The following NOM1 variants were observed in gnomAD, a reference collection of about 807,000 sequenced individuals.
NOM1 encodes nucleolar protein with MIF4G domain 1.
In NOM1, 58 loss-of-function variants were observed where a neutral mutation model predicts 73.3. That is an observed-to-expected ratio of 0.79 (90% confidence interval 0.64 to 0.99). The LOEUF (loss-of-function observed/expected upper bound fraction) is 0.99, where lower values mean the gene tolerates loss of function less well. NOM1 is among the 50% of genes least tolerant of loss of function. The pLI is 0.00. For synonymous variants in NOM1, 487 were observed against 446.8 expected (o/e 1.09, Z -1.14); for missense variants, 1,226 against 1,131.9 (o/e 1.08, Z -1.19).
At chr7:156,961,566 G>A (rs945257710) in intron 4 of NOM1, among the ~76,000 whole-genome samples, 2 of 152,072 alleles carry the variant, frequency 1.3e-5, no homozygotes, top group African/African-American at 2.4e-5. Context: ...ATTGATTGTG[G>A]TGATAGTTGC....
At position 156,969,760 on chromosome 7, in the gene NOM1, C is replaced by A. The variant is rs1805098004; in HGVS notation, c.*57C>A. The A allele has an allele frequency of 2.0e-6, 3 of 1,518,848 alleles. No homozygotes were observed. The African/African-American group carries it at 4.1e-5, about 21-fold the overall frequency. 94.1% of individuals were successfully genotyped at this position (1,518,848 alleles called of 1,614,324 possible). ...GACTGTAAAATGTCCTTGGTAAACC[C>A]AAAGGCTTATTCTGTTGCCTGCGTG... On this transcript the variant is annotated 3_prime_UTR_variant, in exon 11 of 11. Coordinates refer to ENST00000275820, the MANE Select transcript of NOM1 (RefSeq NM_138400.2).
intron 2 of NOM1, among the ~76,000 whole-genome samples, chr7:156,953,029 C>T (rs577124046): frequency 1.3e-5 from 2 of 152,344 alleles, no homozygotes; most frequent in East Asian, 1.9e-4. Context: ...GATTGGAAAC[C>T]ATACAGGTGG....
intron 6 of NOM1, 36 bp downstream of exon 6, chr7:156,963,211 G>C (rs62492704): frequency 6.2e-7 from 1 of 1,611,420 alleles, no homozygotes; most frequent in Non-Finnish European, 8.5e-7. Context: ...CCAGGCAGAG[G>C]CACCCCCCTG....
At position 156,963,064 on chromosome 7, in the gene NOM1, C is replaced by G. The variant is rs1241794205; in HGVS notation, c.1800C>G (p.Val600=). ...ETQLRVSWDS[V]LSAEQTGRWW... is the part of the protein sequence containing the mutation. ...AGCTTCGCGTCTCCTGGGACAGTGT[C>G]TTGAGTGCGGAGCAGACGGGTCGCT... Residue 600 remains valine, a synonymous_variant, in exon 6 of 11, where the codon GTC becomes GTG. Coordinates refer to ENST00000275820, the MANE Select transcript of NOM1 (RefSeq NM_138400.2). The G allele has an allele frequency of 6.2e-7, 1 of 1,614,246 alleles. No homozygotes were observed. The highest frequency in any genetic ancestry group is 1.7e-5 in the Admixed American group (1 of 60,034).
In NOM1 at chr7:156,967,064, C is replaced by T; in HGVS notation, c.2270C>T (p.Thr757Ile). 6.2e-7 allele frequency: 1 copy of T among 1,613,010 alleles called. No homozygotes were observed. The highest frequency in any genetic ancestry group is 8.5e-7 in the Non-Finnish European group (1 of 1,179,802). ...CATCTGGTGGCCCACTTGTTGAAGA[C>T]AAAATCGCTTTCCCTTTCCATCTTA... is the stretch of plus-strand genomic sequence containing the variant. ...LVHLVAHLLK[T>I]KSLSLSILKV... Residue 757 changes from threonine to isoleucine, a missense_variant, in exon 9 of 11, where the codon ACA becomes ATA. By Grantham distance (89) the Thr-to-Ile change is moderately conservative. Transcript: ENST00000275820.
chr7:156,960,255 T>C lies in NOM1; in HGVS notation c.1632+81T>C, dbSNP rs1204089860. 6 of 1,138,956 alleles carry C rather than the reference T, an allele frequency of 5.3e-6. No individual in the cohort carries two copies. The East Asian group carries it at 1.4e-4, about 27-fold the overall frequency. 70.6% of individuals were successfully genotyped at this position (1,138,956 alleles called of 1,614,324 possible). A position where few individuals can be genotyped will look rare whatever the true frequency, so the allele number is the denominator to read the frequency against. ...AGAACCTAAAAATCAGTATCTGGGGTAAATATTACACTTGCTTTCCTAGTG... is the reference window on the plus strand; with the variant it reads ...AGAACCTAAAAATCAGTATCTGGGGCAAATATTACACTTGCTTTCCTAGTG... On this transcript the variant is annotated intron_variant, in intron 4 of 10. Transcript: ENST00000275820.
At chr7:156,969,044 TA>T in intron 9 of NOM1, 42 bp from the exon 10 acceptor site, 1 of 1,088,856 alleles carries the variant, frequency 9.2e-7, no homozygotes, top group Non-Finnish European at 1.4e-6. Context: ...AAAAGTTGGC[TA>T]AATCAGTGTA....
Position 156,962,308 on chromosome 7 carries a change from C to T in NOM1, c.1743+47C>T, listed in dbSNP as rs754578800. The T allele has an allele frequency of 2.6e-5, 37 of 1,408,998 alleles. No individual in the cohort carries two copies. In the South Asian group the frequency reaches 2.7e-4, roughly 10 times the overall value. The allele number at this position is 1,408,998 out of a possible 1,614,324, so 87.3% of individuals were successfully genotyped here. On this transcript the variant is annotated intron_variant, in intron 5 of 10. Coordinates refer to ENST00000275820, the MANE Select transcript of NOM1 (RefSeq NM_138400.2). ...TCTGTTTTGCTCAGAGCTTCCGTGT[C>T]GGCATGAGCCTGTCATGAAAATCAA... is the stretch of plus-strand genomic sequence containing the variant.
intron 1 of NOM1, 48 bp from the exon 2 acceptor site, chr7:156,952,426 G>T (rs1193036874): frequency 6.3e-7 from 1 of 1,585,750 alleles, no homozygotes; most frequent in East Asian, 2.2e-5. Context: ...AAAAACACAG[G>T]ATTTGGTCAG....
rs1012415413 is a variant in NOM1, at chr7:156,963,193, C to G, written c.1911+18C>G. 1.2e-6 allele frequency: 2 copies of G among 1,613,608 alleles called. No homozygotes were observed. The highest frequency in any genetic ancestry group is 2.7e-5 in the African/African-American group (2 of 74,930). On this transcript the variant is annotated intron_variant, in intron 6 of 10. Coordinates refer to ENST00000275820, the MANE Select transcript of NOM1 (RefSeq NM_138400.2). The stretch of plus-strand genomic sequence containing the variant: ...TGGGGACGGTAGGGACACCCATGCT[C>G]AAGGCTGCCAGGCAGAGGCACCCCC...
chr7:156,961,020 C>G (rs866660350), intron 4 of NOM1, among the ~76,000 whole-genome samples: 1 of 152,134 alleles, frequency 6.6e-6, no homozygotes, highest in Middle Eastern at 3.4e-3. Context: ...ACAGGCACCT[C>G]CATTTTTGAA....
intron 1 of NOM1, among the ~76,000 whole-genome samples, chr7:156,952,270 G>T (rs1423455960): frequency 6.6e-6 from 1 of 152,216 alleles, no homozygotes; most frequent in Admixed American, 6.5e-5. Flanking sequence ...GCATTAATGG[G>T]AATAGTGACA....
In NOM1 at chr7:156,949,755, C is replaced by T. The variant is rs762408384; in HGVS notation, c.18C>T (p.Ser6=). Reference sequence around the variant, plus strand: ...TTCGAAAGATGGCGGCGTCCAGGAGCGCGGGAGAGGCCGGCCCGGGCGGCT... The same window carrying T: ...TTCGAAAGATGGCGGCGTCCAGGAGTGCGGGAGAGGCCGGCCCGGGCGGCT... MAASR[S]AGEAGPGGSQ... is the part of the protein sequence containing the mutation. Residue 6 remains serine, a synonymous_variant, in exon 1 of 11, where the codon AGC becomes AGT. Transcript: ENST00000275820. The T allele has an allele frequency of 3.6e-6, 5 of 1,394,042 alleles. No homozygotes were observed. Among genetic ancestry groups the T allele is most frequent in the African/African-American group, 1.5e-5 (1 of 66,296 alleles). The allele number at this position is 1,394,042 out of a possible 1,614,324, so 86.4% of individuals were successfully genotyped here. A position where few individuals can be genotyped will look rare whatever the true frequency, so the allele number is the denominator to read the frequency against.
At position 156,950,171 on chromosome 7, in the gene NOM1, G is replaced by A; in HGVS notation, c.434G>A (p.Arg145Gln). The A allele has an allele frequency of 6.2e-7, 1 of 1,601,538 alleles. No individual in the cohort carries two copies. The highest frequency in any genetic ancestry group is 1.3e-5 in the African/African-American group (1 of 74,808). ...SRDPSPPRKP[R>Q]PSRVKAKATA... The stretch of plus-strand genomic sequence containing the variant: ...GACCCCTCGCCTCCCAGGAAGCCGC[G>A]GCCGTCCCGGGTCAAGGCCAAGGCC... Residue 145 changes from arginine (R) to glutamine (Q), a missense_variant, in exon 1 of 11, where the codon CGG (arginine) becomes CAG (glutamine). Transcript: ENST00000275820.
intron 3 of NOM1, among the ~76,000 whole-genome samples, chr7:156,955,694 C>T (rs927534246): frequency 6.6e-6 from 1 of 152,196 alleles, no homozygotes; most frequent in Non-Finnish European, 1.5e-5. Flanking sequence ...CAGGCAAAGC[C>T]GCTGAAGCGC....
rs570180738 is a variant in NOM1 at position 156,971,617 on chromosome 7, G to T, written c.*1914G>T. ...CCTCCCAAACACCGGGATTATAGGC[G>T]TGAGCCCCCGTGCCTGGCCTCAAAT... On this transcript the variant is annotated 3_prime_UTR_variant, in exon 11 of 11. Transcript: ENST00000275820. 6.6e-6 allele frequency: 1 copy of T among 152,280 alleles called. No homozygotes were observed. The allele number at this position is 152,280 out of a possible 1,614,324, so 9.4% of individuals were successfully genotyped here. A position where few individuals can be genotyped will look rare whatever the true frequency, so the allele number is the denominator to read the frequency against.
intron 3 of NOM1, among the ~76,000 whole-genome samples, chr7:156,958,055 C>A (rs1008763817): frequency 2.0e-4 from 29 of 141,626 alleles, no homozygotes; most frequent in Non-Finnish European, 4.1e-4. Flanking sequence ...GGCCTCCCGC[C>A]AGTCTGTTGC....
chr7:156,959,642 C>CAA (rs2134784266), intron 3 of NOM1, among the ~76,000 whole-genome samples: 1 of 152,250 alleles, frequency 6.6e-6, no homozygotes, highest in East Asian at 1.9e-4. Flanking sequence ...AAACAGTGCC[C>CAA]CTTGGTTGTT....
At chr7:156,953,423 G>A (rs117241319) in intron 2 of NOM1, among the ~76,000 whole-genome samples, 5 of 152,184 alleles carry the variant, frequency 3.3e-5, no homozygotes, top group Middle Eastern at 6.8e-3. Flanking sequence ...TCACCGCACC[G>A]GGGCAGTTCT....
Sources: gnomAD v4.1 joint callset for allele counts (sites outside exome capture counted in the v4.1 genomes callset) on GRCh38, gnomAD v4.1.1 for gene constraint, MANE v1.5 for transcripts, NCBI Gene and HGNC (gene_info 2026-07-23, HGNC 2026-07-21) for gene names.